SLC25A24: variants seen among roughly 807,000 people sequenced by gnomAD.
The protein encoded by SLC25A24 is solute carrier family 25 member 24.
A neutral mutation model predicts 60.7 loss-of-function variants in SLC25A24; 49 were observed. The ratio of observed to expected loss-of-function variants is 0.81; its 90% CI spans 0.64 to 1.02. SLC25A24 has a LOEUF of 1.02. Among genes scored for constraint, SLC25A24 ranks in the 50% least tolerant of loss-of-function variants. The probability of loss-of-function intolerance (pLI) is 0.00; values close to 1 mark genes in which losing one functional copy is unlikely to be tolerated. For missense variants in SLC25A24, 564 were observed against 586.3 expected, an observed-to-expected ratio of 0.96 and a Z score of 0.39; for synonymous variants, 202 against 200.6, an observed-to-expected ratio of 1.01 and a Z score of -0.06.
chr1:108,154,073 ATTT>A (rs3043351), intron 6 of SLC25A24, among the ~76,000 whole-genome samples: 2 of 133,480 alleles, frequency 1.5e-5, no homozygotes, highest in Non-Finnish European at 1.6e-5. Flanking sequence ...ATTTTCTTTA[ATTT>A]TTTTTTTTTT....
rs900889889 is a variant in SLC25A24, at chr1:108,194,182, T to C, written c.183+5774A>G. On this transcript the variant is annotated intron_variant, in intron 1 of 9. Transcript: ENST00000565488. ...CCATCACATGTCCTTGAAATACTCATAGGTTTCCCTCTGGGAGGAGGTTGC... is the reference window on the plus strand; with the variant it reads ...CCATCACATGTCCTTGAAATACTCACAGGTTTCCCTCTGGGAGGAGGTTGC... Among the ~76,000 whole-genome samples the C allele has an allele frequency of 1.4e-5, 2 of 138,640 alleles. 1 individual carries two copies. Among genetic ancestry groups the C allele is most frequent in the Admixed American group, 1.6e-4 (2 of 12,212 alleles). 91.0% of individuals were successfully genotyped at this position (138,640 alleles called of 152,430 possible).
Position 108,194,114 on chromosome 1 carries a change from C to A in SLC25A24, c.183+5842G>T, listed in dbSNP as rs1648425005. On this transcript the variant is annotated intron_variant, in intron 1 of 9. Transcript: ENST00000565488. ...TTTAGCCATTATCTGTAAGCTCTTG[C>A]TCTACACTACCCATCATGTCAGATA... 2.9e-5 allele frequency among the ~76,000 whole-genome samples: 4 copies of A among 138,602 alleles called. 2 individuals are homozygous for A. In the Admixed American group the frequency reaches 3.3e-4, roughly 11 times the overall value. 90.9% of individuals were successfully genotyped at this position (138,602 alleles called of 152,430 possible).
intron 3 of SLC25A24, among the ~76,000 whole-genome samples, chr1:108,177,734 C>T (rs1233377896): frequency 6.6e-6 from 1 of 152,134 alleles, no homozygotes; most frequent in Non-Finnish European, 1.5e-5. Flanking sequence ...TATGAAGGTA[C>T]TTTTACTCCA....
intron 5 of SLC25A24, 24 bp downstream of exon 5, chr1:108,157,438 T>C (rs748569187): frequency 2.5e-6 from 4 of 1,603,360 alleles, no homozygotes; most frequent in Non-Finnish European, 2.6e-6. Flanking sequence ...AGGGCAAACC[T>C]GGACACACGA....
intron 3 of SLC25A24, among the ~76,000 whole-genome samples, chr1:108,175,311 T>TC (rs1296995780): frequency 6.6e-6 from 1 of 152,170 alleles, no homozygotes; most frequent in East Asian, 1.9e-4. Flanking sequence ...AGGGTTTTTT[T>TC]CCCTCTTTGC....
chr1:108,165,034 C>T (rs1680205161), intron 3 of SLC25A24, among the ~76,000 whole-genome samples: 1 of 146,212 alleles, frequency 6.8e-6, no homozygotes, highest in East Asian at 2.0e-4. Context: ...TTATTTCTGC[C>T]TTCATTTCGT....
At chr1:108,188,740 T>C (rs1240850513) in intron 1 of SLC25A24, among the ~76,000 whole-genome samples, 2 of 152,008 alleles carry the variant, frequency 1.3e-5, no homozygotes, top group Admixed American at 6.6e-5. Flanking sequence ...GGCTTTAAGG[T>C]AGTTATTAGA....
intron 3 of SLC25A24, among the ~76,000 whole-genome samples, chr1:108,166,297 T>G (rs1192162807): frequency 6.6e-6 from 1 of 151,542 alleles, no homozygotes; most frequent in Non-Finnish European, 1.5e-5. Flanking sequence ...TCAAGGAGTA[T>G]CTTTGTGGCG....
rs1679246647 is a variant in SLC25A24 at position 108,135,060 on chromosome 1, C to A, written c.*1593G>T. ...TTTCAAAGTTGTTAGCAAAATTATT[C>A]ATTTCCATAATTTTTACGAGTAAAA... On this transcript the variant is annotated 3_prime_UTR_variant, in exon 10 of 10. Coordinates refer to ENST00000565488, the MANE Select transcript of SLC25A24 (RefSeq NM_013386.5). 1 of 152,156 alleles carries A rather than the reference C, an allele frequency of 6.6e-6. No individual in the cohort carries two copies. Among genetic ancestry groups the A allele is most frequent in the Non-Finnish European group, 1.5e-5 (1 of 67,940 alleles). 9.4% of individuals were successfully genotyped at this position (152,156 alleles called of 1,614,324 possible). A position where few individuals can be genotyped will look rare whatever the true frequency, so the allele number is the denominator to read the frequency against.
At chr1:108,192,464 G>A (rs2101647299) in intron 1 of SLC25A24, 2 of 1,423,850 alleles carry the variant, frequency 1.4e-6, no homozygotes, top group Non-Finnish European at 9.5e-7. Context: ...CAGCCCCAAC[G>A]TCTCTCTGAT....
chr1:108,183,782 A>G (rs912375712), intron 2 of SLC25A24, among the ~76,000 whole-genome samples: 1 of 152,202 alleles, frequency 6.6e-6, no homozygotes, highest in African/African-American at 2.4e-5. Flanking sequence ...CTTGAAAGGG[A>G]TACTTGCTAG....
chr1:108,162,334 A>G (rs12354201), intron 3 of SLC25A24, among the ~76,000 whole-genome samples: 67,439 of 139,636 alleles, frequency 0.48, 16,786 homozygotes, highest in African/African-American at 0.6. Flanking sequence ...GGGTCAAATG[A>G]TATTTCTAGT....
At chr1:108,159,560 A>G (rs954635605) in intron 4 of SLC25A24, among the ~76,000 whole-genome samples, 16 of 150,354 alleles carry the variant, frequency 1.1e-4, no homozygotes, top group African/African-American at 3.9e-4. Flanking sequence ...GAAGGTCAGC[A>G]GATAAACAAG....
At chr1:108,197,656 G>A (rs907545729) in intron 1 of SLC25A24, among the ~76,000 whole-genome samples, 1 of 152,232 alleles carries the variant, frequency 6.6e-6, no homozygotes, top group African/African-American at 2.4e-5. Flanking sequence ...TGATTTCTGG[G>A]TGTGTCTGTG....
rs1248731985 is a variant in SLC25A24 at position 108,200,198 on chromosome 1, C to T, written c.-60G>A. On this transcript the variant is annotated 5_prime_UTR_variant, in exon 1 of 10. Coordinates refer to ENST00000565488, the MANE Select transcript of SLC25A24 (RefSeq NM_013386.5). ...TCACGGGAGATCGAGGGCTGCGGGG[C>T]GAGACCGGGACCAGCGCGAGGCCGG... is the stretch of plus-strand genomic sequence containing the variant. 3 of 1,461,054 alleles carry T rather than the reference C, an allele frequency of 2.1e-6. No homozygotes were observed. Among genetic ancestry groups the T allele is most frequent in the Middle Eastern group, 4.4e-4 (2 of 4,580 alleles). 90.5% of individuals were successfully genotyped at this position (1,461,054 alleles called of 1,614,324 possible). A position where few individuals can be genotyped will look rare whatever the true frequency, so the allele number is the denominator to read the frequency against.
At chr1:108,189,546 G>C (rs1342840978) in intron 1 of SLC25A24, among the ~76,000 whole-genome samples, 1 of 152,134 alleles carries the variant, frequency 6.6e-6, no homozygotes, top group Non-Finnish European at 1.5e-5. Flanking sequence ...GGCGCATGGT[G>C]GCTCACGCCT....
At chr1:108,154,839 C>T (rs887164582) in intron 6 of SLC25A24, 144 bp downstream of exon 6, 1 of 506,564 alleles carries the variant, frequency 2.0e-6, no homozygotes, top group African/African-American at 2.0e-5. Flanking sequence ...GTCTAATCTC[C>T]TATAAGTGAT....
chr1:108,178,050 C>T (rs829011), intron 3 of SLC25A24, among the ~76,000 whole-genome samples: 30,072 of 152,008 alleles, frequency 0.2, 3,107 homozygotes, highest in Admixed American at 0.22. Flanking sequence ...GTAGTCCCAG[C>T]GACTCGGGAG....
intron 6 of SLC25A24, 69 bp from the exon 7 acceptor site, chr1:108,148,455 A>T (rs557541616): frequency 2.3e-6 from 2 of 873,460 alleles, no homozygotes; most frequent in Non-Finnish European, 3.9e-6. Flanking sequence ...CACCAAATTC[A>T]TATGTTGAAG....
Sources: gnomAD v4.1 joint callset for allele counts (sites outside exome capture counted in the v4.1 genomes callset) on GRCh38, gnomAD v4.1.1 for gene constraint, MANE v1.5 for transcripts, NCBI Gene and HGNC (gene_info 2026-07-23, HGNC 2026-07-21) for gene names.